The following ZFHX3 variants were observed in gnomAD, a reference collection of about 807,000 sequenced individuals.
ZFHX3 encodes zinc finger homeobox 3.
ZFHX3 carries 42 observed loss-of-function variants against 279.1 expected under a neutral mutation model. That is an observed-to-expected ratio of 0.15 (90% CI 0.12 to 0.19). The LOEUF is 0.19. Among genes scored for constraint, ZFHX3 ranks in the 10% least tolerant of loss-of-function variants. ZFHX3 has a pLI of 1.00. For missense variants in ZFHX3, 4,981 were observed against 4,754.0 expected (o/e 1.05, Z -1.40); for synonymous variants, 2,293 against 1,957.8 (o/e 1.17, Z -4.52).
At chr16:73,613,686 C>T (rs184406965) in intron 2 of ZFHX3, among the ~76,000 whole-genome samples, 4 of 152,222 alleles carry the variant, frequency 2.6e-5, no homozygotes, top group African/African-American at 9.6e-5. Context: ...ATTATAGCTA[C>T]TTTGAAATGT....
At chr16:72,870,502 G>C (rs565610562) in intron 4 of ZFHX3, among the ~76,000 whole-genome samples, 1 of 152,212 alleles carries the variant, frequency 6.6e-6, no homozygotes, top group South Asian at 2.1e-4. Context: ...GGGGTCAGGA[G>C]ATCGAGACCA....
chr16:73,840,599 G>A (rs1188662309), intron 1 of ZFHX3, among the ~76,000 whole-genome samples: 2 of 152,062 alleles, frequency 1.3e-5, no homozygotes, highest in Non-Finnish European at 2.9e-5. Context: ...CAGAGTGTCG[G>A]GCTCTATTGC....
At chr16:73,027,702 T>A (rs935188319) in intron 1 of ZFHX3, among the ~76,000 whole-genome samples, 3 of 152,034 alleles carry the variant, frequency 2.0e-5, no homozygotes, top group African/African-American at 7.2e-5. Flanking sequence ...CTGTGTTCAG[T>A]AAGAAGAAAT....
intron 1 of ZFHX3, among the ~76,000 whole-genome samples, chr16:73,818,429 G>C (rs1960639936): frequency 6.6e-6 from 1 of 152,150 alleles, no homozygotes; most frequent in African/African-American, 2.4e-5. Context: ...TAAGCAATTT[G>C]ATGTACAAAT....
Position 73,518,992 on chromosome 16 carries a change from G to A in ZFHX3, c.-1546-62734C>T, listed in dbSNP as rs561867619. ...CAGGAATGTCTCAAAGGCACTAAGTGGTATTCACTGTCTACTAATGGAAAA... is the reference window on the plus strand; with the variant it reads ...CAGGAATGTCTCAAAGGCACTAAGTAGTATTCACTGTCTACTAATGGAAAA... On this transcript the variant is annotated intron_variant, in intron 2 of 17. Coordinates refer to the ZFHX3 transcript ENST00000641206. Among the ~76,000 whole-genome samples the A allele has an allele frequency of 2.6e-5, 4 of 152,242 alleles. No individual in the cohort carries two copies. The East Asian group carries it at 5.8e-4, about 22-fold the overall frequency.
At chr16:73,164,860 C>T (rs1967322592) in intron 5 of ZFHX3, among the ~76,000 whole-genome samples, 1 of 152,136 alleles carries the variant, frequency 6.6e-6, no homozygotes. Flanking sequence ...GTACCTATTA[C>T]ACAGATGAGG....
chr16:73,272,401 A>G (rs1398189065), intron 4 of ZFHX3, among the ~76,000 whole-genome samples: 2 of 152,216 alleles, frequency 1.3e-5, no homozygotes, highest in African/African-American at 4.8e-5. Flanking sequence ...ATGATGCTCA[A>G]TCTGTATTGG....
At chr16:73,865,624 T>C (rs773707852) in intron 1 of ZFHX3, among the ~76,000 whole-genome samples, 22 of 152,138 alleles carry the variant, frequency 1.4e-4, no homozygotes, top group Non-Finnish European at 3.1e-4. Context: ...ATGTTCCAGG[T>C]CCTGATTTGG....
At chr16:73,487,205 C>T (rs1229550830) in intron 2 of ZFHX3, among the ~76,000 whole-genome samples, 1 of 152,138 alleles carries the variant, frequency 6.6e-6, no homozygotes, top group Non-Finnish European at 1.5e-5. Flanking sequence ...AGTGGAGGTT[C>T]ATAAAAAATT....
intron 2 of ZFHX3, among the ~76,000 whole-genome samples, chr16:73,638,299 C>A (rs1189265484): frequency 6.6e-6 from 1 of 152,094 alleles, no homozygotes; most frequent in Admixed American, 6.6e-5. Context: ...TAACCATATA[C>A]ATATATTTAT....
At chr16:73,285,546 C>A (rs1315132527) in intron 4 of ZFHX3, among the ~76,000 whole-genome samples, 1 of 152,252 alleles carries the variant, frequency 6.6e-6, no homozygotes, top group Non-Finnish European at 1.5e-5. Context: ...AAACTCTCCC[C>A]TCTCTTGCCA....
chr16:73,818,554 A>T (rs930896506), intron 1 of ZFHX3, among the ~76,000 whole-genome samples: 1 of 152,204 alleles, frequency 6.6e-6, no homozygotes, highest in African/African-American at 2.4e-5. Flanking sequence ...ACCCCTGGCC[A>T]CTCTGCTCAA....
intron 1 of ZFHX3, among the ~76,000 whole-genome samples, chr16:73,682,907 AGAAAGAAAGAGAGAAAGAG>A (rs1567550567): frequency 5.2e-3 from 78 of 15,090 alleles, no homozygotes; most frequent in African/African-American, 0.012. Context: ...AGAAAGAAAG[AGAAAGAAAGAGAGAAAGAG>A]AAAGAAAGAA....
At chr16:73,459,249 G>A (rs993897565) in intron 2 of ZFHX3, among the ~76,000 whole-genome samples, 1 of 152,186 alleles carries the variant, frequency 6.6e-6, no homozygotes, top group African/African-American at 2.4e-5. Flanking sequence ...CAATACAGAG[G>A]TAAATGTATA....
At chr16:73,405,264 G>A (rs913978621) in intron 3 of ZFHX3, among the ~76,000 whole-genome samples, 1 of 152,178 alleles carries the variant, frequency 6.6e-6, no homozygotes, top group Non-Finnish European at 1.5e-5. Flanking sequence ...AAATTTAGGG[G>A]CCAGAATGGA....
At chr16:72,829,981 T>C (rs2037025748) in intron 4 of ZFHX3, 122 bp from the exon 5 acceptor site, 6 of 992,608 alleles carry the variant, frequency 6.0e-6, no homozygotes, top group Admixed American at 2.1e-5. Flanking sequence ...CCCTTCTCTT[T>C]CCAGAGGCCC....
At chr16:73,890,266 A>C (rs1272979751) in intron 1 of ZFHX3, among the ~76,000 whole-genome samples, 1 of 151,394 alleles carries the variant, frequency 6.6e-6, no homozygotes, top group Non-Finnish European at 1.5e-5. Flanking sequence ...AACAAAAAAA[A>C]ACCTCTCCCT....
intron 3 of ZFHX3, among the ~76,000 whole-genome samples, chr16:73,365,478 C>A (rs2016514037): frequency 1.3e-5 from 2 of 152,292 alleles, no homozygotes; most frequent in Admixed American, 6.5e-5. Context: ...GGGCTCAGCA[C>A]CAAGCCAAAT....
chr16:72,786,995 T>G lies in ZFHX3; in HGVS notation c.*169A>C. 1 of 532,916 alleles carries G rather than the reference T, an allele frequency of 1.9e-6. No homozygotes were observed. Among genetic ancestry groups the G allele is most frequent in the Non-Finnish European group, 2.8e-6 (1 of 363,094 alleles). 33.0% of individuals were successfully genotyped at this position (532,916 alleles called of 1,614,324 possible). A position where few individuals can be genotyped will look rare whatever the true frequency, so the allele number is the denominator to read the frequency against. Reference sequence around the variant, plus strand: ...AGACAAGAATGTAAAATCACCGGCATAGATAGGTATATGGGAAAACAACCC... The same window carrying G: ...AGACAAGAATGTAAAATCACCGGCAGAGATAGGTATATGGGAAAACAACCC... On this transcript the variant is annotated 3_prime_UTR_variant, in exon 10 of 10. Coordinates refer to ENST00000268489, the MANE Select transcript of ZFHX3 (RefSeq NM_006885.4).
Sources: gnomAD v4.1 joint callset for allele counts (sites outside exome capture counted in the v4.1 genomes callset) on GRCh38, gnomAD v4.1.1 for gene constraint, MANE v1.5 for transcripts, NCBI Gene and HGNC (gene_info 2026-07-23, HGNC 2026-07-21) for gene names.